The following NCOA1 variants were observed in gnomAD, a reference collection of about 807,000 sequenced individuals.
NCOA1 encodes nuclear receptor coactivator 1.
NCOA1 carries 35 observed loss-of-function variants against 150.9 expected under a neutral mutation model. The observed-to-expected ratio is 0.23, with a 90% CI of 0.18 to 0.31. NCOA1 has a LOEUF of 0.31. Among genes scored for constraint, NCOA1 ranks in the 10% least tolerant of loss-of-function variants. NCOA1 has a pLI of 1.00. For missense variants in NCOA1, 1,491 were observed against 1,749.3 expected (o/e 0.85, Z 2.63); for synonymous variants, 590 against 630.0 (o/e 0.94, Z 0.95).
chr2:24,561,680 A>G (rs529989472), intron 1 of NCOA1, among the ~76,000 whole-genome samples: 1 of 152,300 alleles, frequency 6.6e-6, no homozygotes, highest in East Asian at 1.9e-4. Context: ...CTATAACAGA[A>G]GTACACAGTA....
intron 21 of NCOA1, among the ~76,000 whole-genome samples, chr2:24,761,471 C>CAT (rs1664792650): frequency 6.6e-6 from 1 of 152,046 alleles, no homozygotes; most frequent in Non-Finnish European, 1.5e-5. Flanking sequence ...TTATATCTTC[C>CAT]ATATCTCCAA....
chr2:24,629,819 T>TAC (rs1225685732), intron 3 of NCOA1, among the ~76,000 whole-genome samples: 17 of 94,468 alleles, frequency 1.8e-4, no homozygotes, highest in African/African-American at 1.4e-3. Flanking sequence ...CATACATACA[T>TAC]ATATATATAT....
intron 19 of NCOA1, among the ~76,000 whole-genome samples, chr2:24,747,836 G>A (rs1253448282): frequency 6.6e-6 from 1 of 152,188 alleles, no homozygotes; most frequent in African/African-American, 2.4e-5. Context: ...GCTGGGCACA[G>A]TGGTTCATGC....
intron 1 of NCOA1, among the ~76,000 whole-genome samples, chr2:24,498,140 T>A (rs1663302183): frequency 6.6e-6 from 1 of 152,232 alleles, no homozygotes; most frequent in Non-Finnish European, 1.5e-5. Flanking sequence ...TTGGTGAATT[T>A]GTTTGTAAGA....
chr2:24,583,206 C>T (rs2148314040), intron 2 of NCOA1, among the ~76,000 whole-genome samples: 1 of 152,108 alleles, frequency 6.6e-6, no homozygotes, highest in South Asian at 2.1e-4. Flanking sequence ...AGAAACTCAA[C>T]AGCAAAAAGC....
At chr2:24,582,470 A>G (rs566430384) in intron 2 of NCOA1, among the ~76,000 whole-genome samples, 1 of 152,326 alleles carries the variant, frequency 6.6e-6, no homozygotes, top group African/African-American at 2.4e-5. Context: ...CAAAAAATGG[A>G]AACATATTTC....
intron 5 of NCOA1, among the ~76,000 whole-genome samples, chr2:24,659,815 A>G (rs189813772): frequency 6.6e-6 from 1 of 152,096 alleles, no homozygotes. Flanking sequence ...CTACACACCA[A>G]ATGTCAGTAG....
intron 1 of NCOA1, among the ~76,000 whole-genome samples, chr2:24,522,821 TCTTG>T (rs1664471618): frequency 6.6e-6 from 1 of 152,214 alleles, no homozygotes; most frequent in Non-Finnish European, 1.5e-5. Context: ...AGAGGAAGAT[TCTTG>T]CTTTTAAGGA....
At chr2:24,721,044 C>G (rs774048602) in intron 14 of NCOA1, among the ~76,000 whole-genome samples, 4 of 152,152 alleles carry the variant, frequency 2.6e-5, no homozygotes, top group Non-Finnish European at 4.4e-5. Context: ...ATCTTTTTCT[C>G]TTATACTTTT....
At chr2:24,703,141 A>G (rs1204052018) in intron 11 of NCOA1, among the ~76,000 whole-genome samples, 1 of 152,104 alleles carries the variant, frequency 6.6e-6, no homozygotes, top group African/African-American at 2.4e-5. Flanking sequence ...TTGTTGGCTC[A>G]GTTTTAGTAA....
chr2:24,610,013 C>T (rs1249422884), intron 3 of NCOA1, among the ~76,000 whole-genome samples: 11 of 151,450 alleles, frequency 7.3e-5, no homozygotes, highest in African/African-American at 2.2e-4. Context: ...GATTTCATTG[C>T]ATTGTGATCA....
chr2:24,738,060 C>G (rs1043312032), intron 17 of NCOA1, among the ~76,000 whole-genome samples: 10 of 152,000 alleles, frequency 6.6e-5, no homozygotes, highest in Admixed American at 6.6e-4. Flanking sequence ...ACTTATTCCA[C>G]AATGCCTTAG....
At chr2:24,589,504 A>G (rs1162121213) in intron 3 of NCOA1, among the ~76,000 whole-genome samples, 1 of 152,192 alleles carries the variant, frequency 6.6e-6, no homozygotes, top group Non-Finnish European at 1.5e-5. Context: ...GGCACATGAG[A>G]AATAAGGGAG....
chr2:24,596,171 C>T (rs1259715634), intron 3 of NCOA1, among the ~76,000 whole-genome samples: 1 of 152,094 alleles, frequency 6.6e-6, no homozygotes, highest in Non-Finnish European at 1.5e-5. Flanking sequence ...ACTACAGTAT[C>T]ATTGGGTAGA....
At chr2:24,533,795 A>G (rs553321804) in intron 1 of NCOA1, among the ~76,000 whole-genome samples, 3 of 152,314 alleles carry the variant, frequency 2.0e-5, no homozygotes, top group South Asian at 2.1e-4. Context: ...GATGAAGCCA[A>G]TTTGATTGTG....
At chr2:24,603,550 A>G (rs1055829906) in intron 3 of NCOA1, among the ~76,000 whole-genome samples, 19 of 152,246 alleles carry the variant, frequency 1.2e-4, no homozygotes, top group Non-Finnish European at 1.0e-4. Context: ...CATTTCACCA[A>G]TGTTCACACA....
At chr2:24,680,063 C>T (rs556698784) in intron 7 of NCOA1, among the ~76,000 whole-genome samples, 1 of 152,292 alleles carries the variant, frequency 6.6e-6, no homozygotes, top group East Asian at 1.9e-4. Context: ...TTGGCAGACA[C>T]TTAGCTTGAT....
At chr2:24,760,022 T>C (rs1664702652) in intron 21 of NCOA1, among the ~76,000 whole-genome samples, 1 of 151,784 alleles carries the variant, frequency 6.6e-6, no homozygotes, top group Non-Finnish European at 1.5e-5. Context: ...AAATAAAAGC[T>C]TTTTTATATT....
chr2:24,529,455 G>A (rs1041304751), intron 1 of NCOA1, among the ~76,000 whole-genome samples: 59 of 152,182 alleles, frequency 3.9e-4, no homozygotes, highest in African/African-American at 1.4e-3. Context: ...GGCCTCCTGA[G>A]TAGCTAGGAC....
Sources: allele counts gnomAD v4.1 joint callset (sites outside exome capture counted in the v4.1 genomes callset), GRCh38; gene constraint gnomAD v4.1.1; transcripts MANE v1.5; gene names NCBI Gene and HGNC (gene_info 2026-07-23, HGNC 2026-07-21).